The following PLPPR1 variants were observed in gnomAD, a reference collection of about 807,000 sequenced individuals.
PLPPR1 encodes the protein phospholipid phosphatase-related protein type 1.
A neutral mutation model predicts 33.1 loss-of-function variants in PLPPR1; 10 were observed. The ratio of observed to expected loss-of-function variants is 0.30; its 90% CI spans 0.19 to 0.51. The LOEUF (loss-of-function observed/expected upper bound fraction) is 0.51, where lower values mean the gene tolerates loss of function less well. Among genes scored for constraint, PLPPR1 ranks in the 20% least tolerant of loss-of-function variants. The pLI is 0.97. For synonymous variants in PLPPR1, 151 were observed against 151.0 expected, an observed-to-expected ratio of 1.00 and a Z score of 0.00; for missense variants, 304 against 408.1, an observed-to-expected ratio of 0.74 and a Z score of 2.20.
At chr9:101,110,385 A>G (rs995096411) in intron 1 of PLPPR1, among the ~76,000 whole-genome samples, 19 of 152,356 alleles carry the variant, frequency 1.2e-4, no homozygotes, top group African/African-American at 4.6e-4. Context: ...ACAACTATTT[A>G]GATGGCAATA....
At chr9:101,089,596 G>T (rs1030241676) in intron 1 of PLPPR1, among the ~76,000 whole-genome samples, 3 of 152,072 alleles carry the variant, frequency 2.0e-5, no homozygotes, top group Non-Finnish European at 4.4e-5. Context: ...ATGAACATTT[G>T]TTCATATCAT....
At chr9:101,285,220 T>C (rs1366197858) in intron 3 of PLPPR1, among the ~76,000 whole-genome samples, 3 of 152,194 alleles carry the variant, frequency 2.0e-5, no homozygotes, top group Non-Finnish European at 2.9e-5. Flanking sequence ...AAAACTTGTC[T>C]CTACCAATTC....
chr9:101,129,302 T>G (rs1037628231), intron 1 of PLPPR1, among the ~76,000 whole-genome samples: 3 of 149,022 alleles, frequency 2.0e-5, no homozygotes, highest in Non-Finnish European at 3.0e-5. Flanking sequence ...TAAGTAACAG[T>G]TGAGAAACTA....
chr9:101,112,814 C>T (rs1831072806), intron 1 of PLPPR1, among the ~76,000 whole-genome samples: 1 of 152,172 alleles, frequency 6.6e-6, no homozygotes, highest in South Asian at 2.1e-4. Context: ...TGTCAAATGC[C>T]AGGTGGCAGC....
chr9:101,113,548 T>C (rs1355166762), intron 1 of PLPPR1, among the ~76,000 whole-genome samples: 1 of 152,070 alleles, frequency 6.6e-6, no homozygotes, highest in Non-Finnish European at 1.5e-5. Flanking sequence ...ACATTCCTAA[T>C]AGGAATTTTT....
chr9:101,322,051 A>C (rs1406898808), intron 7 of PLPPR1, among the ~76,000 whole-genome samples: 1 of 150,094 alleles, frequency 6.7e-6, no homozygotes, highest in Admixed American at 6.6e-5. Flanking sequence ...TACAAAAATT[A>C]GCCAGGCGTG....
intron 6 of PLPPR1, among the ~76,000 whole-genome samples, chr9:101,315,366 GACAA>G (rs1024893080): frequency 3.3e-5 from 5 of 152,154 alleles, no homozygotes; most frequent in African/African-American, 7.2e-5. Context: ...CTCAAGAAAA[GACAA>G]ACAATGTTGC....
intron 2 of PLPPR1, among the ~76,000 whole-genome samples, chr9:101,252,859 G>A (rs1018430309): frequency 2.6e-5 from 4 of 151,738 alleles, no homozygotes; most frequent in Admixed American, 6.6e-5. Context: ...ATGAAAACTC[G>A]ATGTTCGTTT....
At chr9:101,173,514 G>A (rs922757663) in intron 1 of PLPPR1, among the ~76,000 whole-genome samples, 7 of 152,066 alleles carry the variant, frequency 4.6e-5, no homozygotes, top group African/African-American at 1.4e-4. Flanking sequence ...ATCACCCGTA[G>A]ACTCTGGGCT....
chr9:101,185,476 T>A lies in PLPPR1; in HGVS notation c.-19T>A. 1 of 1,561,910 alleles carries A rather than the reference T, an allele frequency of 6.4e-7. No individual in the cohort carries two copies. The highest frequency in any genetic ancestry group is 8.8e-7 in the Non-Finnish European group (1 of 1,135,020). On this transcript the variant is annotated 5_prime_UTR_variant, in exon 2 of 8. In the 5' UTR this introduces an upstream ATG that the reference lacks. Transcript: ENST00000374874. ...CTGGACAGTTTTTGACGGTGCAGTC[T>A]TGCTATATGGTGTGAGAAATGGCTG...
chr9:101,173,629 CTG>C (rs1454678185), intron 1 of PLPPR1, among the ~76,000 whole-genome samples: 1 of 152,112 alleles, frequency 6.6e-6, no homozygotes, highest in African/African-American at 2.4e-5. Context: ...TTGGCTAAAA[CTG>C]TGACTTTTAA....
intron 2 of PLPPR1, among the ~76,000 whole-genome samples, chr9:101,262,522 G>A (rs952029363): frequency 6.6e-5 from 10 of 152,184 alleles, no homozygotes; most frequent in Non-Finnish European, 1.2e-4. Context: ...TGGAGAAGAT[G>A]TGGAGAAATA....
intron 7 of PLPPR1, among the ~76,000 whole-genome samples, chr9:101,320,668 G>C (rs966549452): frequency 1.3e-5 from 2 of 152,172 alleles, no homozygotes; most frequent in Non-Finnish European, 2.9e-5. Flanking sequence ...TCTGTTTTTA[G>C]TAATAAATGT....
chr9:101,232,664 C>T (rs1049269360), intron 2 of PLPPR1, among the ~76,000 whole-genome samples: 3 of 151,918 alleles, frequency 2.0e-5, no homozygotes, highest in African/African-American at 7.2e-5. Context: ...ATAATCACAT[C>T]CCTAGTTGCC....
At chr9:101,152,266 GTGTT>G (rs1211833609) in intron 1 of PLPPR1, among the ~76,000 whole-genome samples, 1 of 152,048 alleles carries the variant, frequency 6.6e-6, no homozygotes, top group Non-Finnish European at 1.5e-5. Flanking sequence ...TCCTGTAAAT[GTGTT>G]TAAGTTCTCT....
chr9:101,234,204 G>A (rs924985147), intron 2 of PLPPR1, among the ~76,000 whole-genome samples: 3 of 151,854 alleles, frequency 2.0e-5, no homozygotes, highest in African/African-American at 7.2e-5. Context: ...ATGGAGCCAA[G>A]GTGTTGTTTT....
chr9:101,057,672 T>G (rs1238693859), intron 1 of PLPPR1, among the ~76,000 whole-genome samples: 1 of 152,214 alleles, frequency 6.6e-6, no homozygotes, highest in Non-Finnish European at 1.5e-5. Flanking sequence ...GTCCTTAGTA[T>G]TCCCAGTTCA....
rs186461934 is a variant in PLPPR1 at position 101,223,401 on chromosome 9, A to G, written c.63+37844A>G. 3.3e-5 allele frequency among the ~76,000 whole-genome samples: 5 copies of G among 152,146 alleles called. No homozygotes were observed. The East Asian group carries it at 9.7e-4, about 30-fold the overall frequency. ...TGAGATAACTTGAGTTCCCCTGGGA[A>G]GTGATGAAATGGCAAATGTAGTGTA... On this transcript the variant is annotated intron_variant, in intron 2 of 7. Transcript: ENST00000374874.
chr9:101,131,763 CG>C (rs778026611), intron 1 of PLPPR1: 2 of 152,216 alleles, frequency 1.3e-5, no homozygotes, highest in African/African-American at 2.4e-5. Flanking sequence ...TGAAGAACTT[CG>C]CTTTGAAAGA....
Sources: allele counts gnomAD v4.1 joint callset (sites outside exome capture counted in the v4.1 genomes callset), GRCh38; gene constraint gnomAD v4.1.1; transcripts MANE v1.5; gene names NCBI Gene and HGNC (gene_info 2026-07-23, HGNC 2026-07-21).